CHADL: variants seen among roughly 807,000 people sequenced by gnomAD.
The protein encoded by CHADL is chondroadherin-like protein.
CHADL carries 48 observed loss-of-function variants against 52.1 expected under a neutral mutation model. The ratio of observed to expected loss-of-function variants is 0.92; its 90% CI spans 0.73 to 1.17. CHADL has a LOEUF of 1.17. Among genes scored for constraint, CHADL ranks in the 50% most tolerant of loss-of-function variants. CHADL has a pLI of 0.00. For missense variants in CHADL, 977 were observed against 1,035.1 expected (o/e 0.94, Z 0.77); for synonymous variants, 498 against 511.2 (o/e 0.97, Z 0.35).
In CHADL at chr22:41,237,100, CTTG is replaced by C. The variant is rs1006646727; in HGVS notation, c.1896+73_1896+75del. 2.5e-5 allele frequency: 35 copies of C among 1,416,180 alleles called. No homozygotes were observed. The Admixed American group carries it at 4.3e-4, about 17-fold the overall frequency. 87.7% of individuals were successfully genotyped at this position (1,416,180 alleles called of 1,614,324 possible). A position where few individuals can be genotyped will look rare whatever the true frequency, so the allele number is the denominator to read the frequency against. On this transcript the variant is annotated intron_variant, in intron 3 of 5. Transcript: ENST00000216241. ...CCTGGCACCAAGGGGCTGGCAAATG[CTTG>C]TTGAGTGAATGCACGCTGCCTGTGG... is the stretch of plus-strand genomic sequence containing the variant.
In CHADL at chr22:41,237,311, C is replaced by G. The variant is rs1984792697; in HGVS notation, c.1761G>C (p.Gly587=). The change falls in exon 3 of 6, where the codon GGG becomes GGC. Residue 587 remains glycine (G), a synonymous_variant. Transcript: ENST00000216241. ...DRNQLREVPT[G]ALEGLPALLE... is the part of the protein sequence containing the mutation. ...GGAGGGCAGGCAGCCCCTCCAAGGCCCCAGTGGGCACCTCTCGCAGCTGAT... is the reference window on the plus strand; with the variant it reads ...GGAGGGCAGGCAGCCCCTCCAAGGCGCCAGTGGGCACCTCTCGCAGCTGAT... The G allele has an allele frequency of 3.9e-6, 6 of 1,550,694 alleles. No individual in the cohort carries two copies. The South Asian group carries it at 7.1e-5, about 18-fold the overall frequency.
In CHADL at chr22:41,235,235, GC is replaced by G. The variant is rs762166758; in HGVS notation, c.2171del (p.Gly724AlafsTer70). 1.3e-6 allele frequency: 2 copies of G among 1,551,426 alleles called. No homozygotes were observed. Among genetic ancestry groups the G allele is most frequent in the South Asian group, 2.4e-5 (2 of 84,062 alleles). On this transcript the variant is annotated frameshift_variant, in exon 5 of 6. Transcript: ENST00000216241. LOFTEE classifies it high-confidence loss of function. Reference protein sequence around the residue: ...AAAAVFEDCPGWAARKAKRTP... With the variant: ...AAAAVFEDCPXWAARKAKRTP... ...TCCGCTTGGCCTTTCTGGCAGCCCA[GC>G]CCGGGCAGTCTTCAAAGACAGCAGC...
chr22:41,238,802 G>T lies in CHADL; in HGVS notation c.270C>A (p.His90Gln), dbSNP rs201876521. ...AAFQGVPHLT[H>Q]LDLRHCEVEL... ...CCACCTCGCAGTGGCGCAGGTCCAG[G>T]TGTGTGAGGTGAGGCACGCCCTGGA... The change falls in exon 3 of 6, where the codon CAC becomes CAA. Residue 90 changes from histidine to glutamine, a missense_variant. Coordinates refer to ENST00000216241, the MANE Select transcript of CHADL (RefSeq NM_138481.2). This position sits in a 1 kb window ranked among gnomAD's most constrained non-coding sequence, Gnocchi z 4.9. 8.8e-5 allele frequency: 137 copies of T among 1,549,500 alleles called. No homozygotes were observed. The highest frequency in any genetic ancestry group is 1.2e-4 in the Non-Finnish European group (132 of 1,146,676).
intron 1 of CHADL, 122 bp downstream of exon 1, chr22:41,240,752 C>A: frequency 8.4e-7 from 1 of 1,194,082 alleles, no homozygotes; most frequent in Middle Eastern, 1.9e-4. Flanking sequence ...CCTGGAGAAC[C>A]CCAGGAAGTC....
At position 41,229,676 on chromosome 22, in the gene CHADL, G is replaced by A; in HGVS notation, c.*28C>T. 2 of 1,613,052 alleles carry A rather than the reference G, an allele frequency of 1.2e-6. No homozygotes were observed. The highest frequency in any genetic ancestry group is 1.7e-6 in the Non-Finnish European group (2 of 1,180,024). ...GCGAGAGTAAGAGCCACCGGGCTGGGTCAAGGCAGGACCAGCCTGCTCCGT... is the reference window on the plus strand; with the variant it reads ...GCGAGAGTAAGAGCCACCGGGCTGGATCAAGGCAGGACCAGCCTGCTCCGT... On this transcript the variant is annotated 3_prime_UTR_variant, in exon 6 of 6. Coordinates refer to ENST00000216241, the MANE Select transcript of CHADL (RefSeq NM_138481.2).
rs997967330 is a variant in CHADL at position 41,238,166 on chromosome 22, C to T, written c.906G>A (p.Leu302=). The T allele has an allele frequency of 1.4e-4, 201 of 1,471,562 alleles. No individual in the cohort carries two copies. The highest frequency in any genetic ancestry group is 1.7e-4 in the Non-Finnish European group (193 of 1,119,122). The allele number at this position is 1,471,562 out of a possible 1,614,324, so 91.2% of individuals were successfully genotyped here. ...GATTCCCCTGCAGCCGCAGCCGGCG[C>T]AGCTGGCCCGGGCCCTGCAGCGGGG... ...TLPPLQGPGQ[L]RRLRLQGNPL... Residue 302 remains leucine (L), a synonymous_variant, in exon 3 of 6, where the codon CTG becomes CTA. Transcript: ENST00000216241. This position sits in a 1 kb window ranked among gnomAD's most constrained non-coding sequence, Gnocchi z 4.9.
chr22:41,238,508 C>T lies in CHADL; in HGVS notation c.564G>A (p.Arg188=), dbSNP rs762929028. ...FQGLLRVRWL[R]LSHNALSVLA... ...GCACGCTGAGCGCGTTGTGCGACAG[C>T]CGCAGCCAGCGGACGCGCAGTAGCC... The change falls in exon 3 of 6, where the codon CGG becomes CGA. Residue 188 remains arginine, a synonymous_variant. Transcript: ENST00000216241. This position sits in a 1 kb window ranked among gnomAD's most constrained non-coding sequence, Gnocchi z 4.9. 3.8e-5 allele frequency: 59 copies of T among 1,541,132 alleles called. No individual in the cohort carries two copies. The highest frequency in any genetic ancestry group is 4.8e-5 in the Non-Finnish European group (55 of 1,144,784).
At position 41,237,476 on chromosome 22, in the gene CHADL, A is replaced by C; in HGVS notation, c.1596T>G (p.Ala532=). ...SLFSLHLQDN[A]VDRLAPGDLG... ...GGTCCCCAGGTGCCAGGCGGTCCAC[A>C]GCGTTGTCCTGCAGGTGCAGGGAGA... The change falls in exon 3 of 6, where the codon GCT becomes GCG. Residue 532 remains alanine, a synonymous_variant. Coordinates refer to ENST00000216241, the MANE Select transcript of CHADL (RefSeq NM_138481.2). 1 of 1,550,488 alleles carries C rather than the reference A, an allele frequency of 6.4e-7. No homozygotes were observed.
chr22:41,237,842 G>A lies in CHADL; in HGVS notation c.1230C>T (p.Ser410=). The A allele has an allele frequency of 4.1e-6, 6 of 1,462,244 alleles. No individual in the cohort carries two copies. Among genetic ancestry groups the A allele is most frequent in the Non-Finnish European group, 5.4e-6 (6 of 1,109,718 alleles). 90.6% of individuals were successfully genotyped at this position (1,462,244 alleles called of 1,614,324 possible). A position where few individuals can be genotyped will look rare whatever the true frequency, so the allele number is the denominator to read the frequency against. Residue 410 remains serine, a synonymous_variant, in exon 3 of 6, where the codon AGC becomes AGT. Transcript: ENST00000216241. ...CVCVPESRHS[S]CEGCGLQAVP... ...CCGCCTGCAGGCCGCAGCCCTCGCA[G>A]CTGCTGTGCCGGGACTCGGGGACGC...
chr22:41,238,824 T>C lies in CHADL; in HGVS notation c.248A>G (p.Gln83Arg). ...CAGGTGTGTGAGGTGAGGCACGCCC[T>C]GGAAGGCGGCTGCGGGGATCACCTT... ...LLKVIPAAAF[Q>R]GVPHLTHLDL... The change falls in exon 3 of 6, where the codon CAG (glutamine) becomes CGG (arginine). Residue 83 changes from glutamine (Q) to arginine (R), a missense_variant. Physicochemically the swap from Gln to Arg is conservative, Grantham distance 43. Coordinates refer to ENST00000216241, the MANE Select transcript of CHADL (RefSeq NM_138481.2). The surrounding 1 kb of genome is among the most constrained non-coding windows in gnomAD (Gnocchi z 4.9). 1 of 1,548,578 alleles carries C rather than the reference T, an allele frequency of 6.5e-7. No homozygotes were observed. The highest frequency in any genetic ancestry group is 8.7e-7 in the Non-Finnish European group (1 of 1,145,800).
chr22:41,235,175 G>T lies in CHADL; in HGVS notation c.2232C>A (p.Pro744=). Residue 744 remains proline, a synonymous_variant, in exon 5 of 6, where the codon CCC becomes CCA. Coordinates refer to ENST00000216241, the MANE Select transcript of CHADL (RefSeq NM_138481.2). ...CTGCTCCACACTGTCTTCCTTTGAT[G>T]GGGGTTCTCCTGGCACTGGGCCTGG... ...PASRPSARRT[P]IKGRQCGADK... is the part of the protein sequence containing the mutation. The T allele has an allele frequency of 1.3e-6, 2 of 1,551,486 alleles. No individual in the cohort carries two copies. The highest frequency in any genetic ancestry group is 1.7e-6 in the Non-Finnish European group (2 of 1,147,016).
chr22:41,230,575 G>A (rs1009111707), intron 5 of CHADL: 5 of 348,436 alleles, frequency 1.4e-5, no homozygotes, highest in East Asian at 6.9e-5. Flanking sequence ...CCCCCGACCC[G>A]CCACGGCCCT....
chr22:41,235,471 C>T, intron 4 of CHADL, 128 bp from the exon 5 acceptor site: 2 of 707,678 alleles, frequency 2.8e-6, no homozygotes, highest in Non-Finnish European at 4.7e-6. Context: ...AGCATGCATT[C>T]ATTCGCTCAA....
Position 41,237,370 on chromosome 22 carries a change from C to A in CHADL, c.1702G>T (p.Ala568Ser). ...AGGTGCAGCTTCTCCAGCTCCCGAG[C>A]TGGGCCCAGCGCCCCAAGGGACACT... is the stretch of plus-strand genomic sequence containing the variant. ...TEVSLGALGP[A>S]RELEKLHLDR... is the part of the protein sequence containing the mutation. Residue 568 changes from alanine (A) to serine (S), a missense_variant, in exon 3 of 6, where the codon GCT (alanine) becomes TCT (serine). Ala to Ser is a moderately conservative substitution (Grantham distance 99, BLOSUM62 1). Coordinates refer to ENST00000216241, the MANE Select transcript of CHADL (RefSeq NM_138481.2). The A allele has an allele frequency of 6.4e-7, 1 of 1,550,666 alleles. No individual in the cohort carries two copies. Among genetic ancestry groups the A allele is most frequent in the Non-Finnish European group, 8.7e-7 (1 of 1,146,974 alleles).
At position 41,238,051 on chromosome 22, in the gene CHADL, G is replaced by C; in HGVS notation, c.1021C>G (p.Arg341Gly). The change falls in exon 3 of 6, where the codon CGC (arginine) becomes GGC (glycine). Residue 341 changes from arginine to glycine, a missense_variant. Coordinates refer to ENST00000216241, the MANE Select transcript of CHADL (RefSeq NM_138481.2). This position sits in a 1 kb window ranked among gnomAD's most constrained non-coding sequence, Gnocchi z 4.9. Reference sequence around the variant, plus strand: ...GCGTCCAGAGCCTCGCCCCGCAGGCGCCGCGGCCCCTGGCACGCGCCGTCC... The same window carrying C: ...GCGTCCAGAGCCTCGCCCCGCAGGCCCCGCGGCCCCTGGCACGCGCCGTCC... ...RSDGACQGPR[R>G]LRGEALDALR... 1 of 1,270,756 alleles carries C rather than the reference G, an allele frequency of 7.9e-7. No homozygotes were observed. The highest frequency in any genetic ancestry group is 3.3e-5 in the East Asian group (1 of 30,282). The allele number at this position is 1,270,756 out of a possible 1,614,324, so 78.7% of individuals were successfully genotyped here. A position where few individuals can be genotyped will look rare whatever the true frequency, so the allele number is the denominator to read the frequency against.
At position 41,239,628 on chromosome 22, in the gene CHADL, G is replaced by T. The variant is rs575832791; in HGVS notation, c.9-8C>A. The T allele has an allele frequency of 1.1e-5, 17 of 1,521,234 alleles. 1 individual carries two copies. In the South Asian group the frequency reaches 1.8e-4, roughly 16 times the overall value. 94.2% of individuals were successfully genotyped at this position (1,521,234 alleles called of 1,614,324 possible). ...TGGGTGGAGCTCCGGGGCCTGGGACGGGGAGGGAGAGTCTGTTGTGCACAA... is the reference window on the plus strand; with the variant it reads ...TGGGTGGAGCTCCGGGGCCTGGGACTGGGAGGGAGAGTCTGTTGTGCACAA... On this transcript the variant is annotated splice_region_variant and splice_polypyrimidine_tract_variant and intron_variant, in intron 1 of 5. Transcript: ENST00000216241.
Position 41,230,591 on chromosome 22 carries a change from G to A in CHADL, c.2263-861C>T, listed in dbSNP as rs1034215156. The A allele has an allele frequency of 1.7e-4, 56 of 333,172 alleles. 1 individual carries two copies. The highest frequency in any genetic ancestry group is 1.5e-3 in the South Asian group (48 of 31,174). The allele number at this position is 333,172 out of a possible 1,614,324, so 20.6% of individuals were successfully genotyped here. A position where few individuals can be genotyped will look rare whatever the true frequency, so the allele number is the denominator to read the frequency against. ...CCCCGACCCGCCACGGCCCTCAGTT[G>A]CCAGGGATGGGGCCACCACTGTCAC... On this transcript the variant is annotated intron_variant, in intron 5 of 5. Transcript: ENST00000216241.
At chr22:41,239,372 C>G (rs1428408482) in intron 2 of CHADL, 71 bp downstream of exon 2, 14 of 1,429,010 alleles carry the variant, frequency 9.8e-6, no homozygotes, top group Non-Finnish European at 1.3e-5. Context: ...TGGTGCCCAG[C>G]CCAGGCTCCT....
Position 41,236,624 on chromosome 22 carries a change from C to T in CHADL, c.1923G>A (p.Leu641=), listed in dbSNP as rs553216177. ...EQICPGAFSG[L]GPGLQSLHLQ... ...GGTGCAGGCTCTGGAGCCCGGGCCC[C>T]AGGCCTGAAAAGGCCCCAGGACAAA... Residue 641 remains leucine, a synonymous_variant, in exon 4 of 6, where the codon CTG becomes CTA. Coordinates refer to ENST00000216241, the MANE Select transcript of CHADL (RefSeq NM_138481.2). 6.5e-7 allele frequency: 1 copy of T among 1,549,954 alleles called. No homozygotes were observed. Among genetic ancestry groups the T allele is most frequent in the East Asian group, 2.4e-5 (1 of 40,924 alleles).
Sources: gnomAD v4.1 joint callset for allele counts on GRCh38, gnomAD v4.1.1 for gene constraint, Gnocchi (gnomAD v3.1) non-coding constraint, MANE v1.5 for transcripts, NCBI Gene and HGNC (gene_info 2026-07-23, HGNC 2026-07-21) for gene names.